CALN1: variants seen among roughly 807,000 people sequenced by gnomAD.
The protein encoded by CALN1 is calcium-binding protein 8.
A neutral mutation model predicts 30.6 loss-of-function variants in CALN1; 17 were observed. The observed-to-expected ratio is 0.56, with a 90% CI of 0.38 to 0.83. The LOEUF is 0.83. CALN1 is among the 40% of genes least tolerant of loss of function. CALN1 has a pLI of 0.00. For missense variants in CALN1, 291 were observed against 354.9 expected (o/e 0.82, Z 1.45); for synonymous variants, 156 against 131.4 (o/e 1.19, Z -1.28).
At chr7:71,808,132 G>A (rs1182965095) in intron 6 of CALN1, among the ~76,000 whole-genome samples, 1 of 151,770 alleles carries the variant, frequency 6.6e-6, no homozygotes, top group African/African-American at 2.4e-5. Context: ...TTAGGTAATG[G>A]TTAGGTACCT....
intron 1 of CALN1, among the ~76,000 whole-genome samples, chr7:72,422,767 C>T (rs981502993): frequency 5.9e-5 from 9 of 152,186 alleles, no homozygotes; most frequent in Non-Finnish European, 1.2e-4. Context: ...TTGGCTTTAT[C>T]TCTTACATGA....
chr7:72,198,772 C>G (rs547242605), intron 3 of CALN1, among the ~76,000 whole-genome samples: 13 of 152,288 alleles, frequency 8.5e-5, no homozygotes, highest in South Asian at 2.1e-4. Context: ...ATGATCAATA[C>G]TGAAAGGCAG....
At chr7:72,449,344 C>G (rs542755639), upstream of CALN1, among the ~76,000 whole-genome samples, 2 of 152,244 alleles carry the variant, frequency 1.3e-5, no homozygotes, top group African/African-American at 4.8e-5. Context: ...CCTCAGAGTC[C>G]GTGAGGGATG....
intron 2 of CALN1, among the ~76,000 whole-genome samples, chr7:72,332,251 G>A (rs1469956013): frequency 6.6e-6 from 1 of 152,148 alleles, no homozygotes; most frequent in African/African-American, 2.4e-5. Context: ...CACCCCAGAA[G>A]CAGTGCTGCA....
At chr7:72,311,173 T>C (rs780858290) in intron 2 of CALN1, among the ~76,000 whole-genome samples, 12 of 152,124 alleles carry the variant, frequency 7.9e-5, no homozygotes, top group Non-Finnish European at 1.6e-4. Context: ...ACCTCTATGA[T>C]GACCTACTTC....
chr7:71,852,183 T>C (rs563850786), intron 5 of CALN1, among the ~76,000 whole-genome samples: 78 of 152,332 alleles, frequency 5.1e-4, no homozygotes, highest in Middle Eastern at 3.4e-3. Flanking sequence ...TGTTCTCTGG[T>C]TGATTGACAT....
chr7:71,821,614 C>T (rs1326015422), intron 5 of CALN1, among the ~76,000 whole-genome samples: 2 of 152,126 alleles, frequency 1.3e-5, no homozygotes, highest in Non-Finnish European at 2.9e-5. Flanking sequence ...ACTATGGGAG[C>T]CACAATTCAA....
chr7:72,327,834 T>C (rs1464429727), intron 2 of CALN1, among the ~76,000 whole-genome samples: 2 of 152,194 alleles, frequency 1.3e-5, no homozygotes, highest in African/African-American at 4.8e-5. Context: ...TCTTCCTAGT[T>C]ATGTGTTCAA....
intron 5 of CALN1, among the ~76,000 whole-genome samples, chr7:71,890,365 A>G (rs1793169384): frequency 6.6e-6 from 1 of 152,172 alleles, no homozygotes. Flanking sequence ...TTACTTGTTT[A>G]TAAGGTGTGG....
intron 1 of CALN1, among the ~76,000 whole-genome samples, chr7:72,408,396 G>A (rs558639828): frequency 6.6e-6 from 1 of 151,900 alleles, no homozygotes; most frequent in Non-Finnish European, 1.5e-5. Flanking sequence ...AGTGAGCTGA[G>A]ATCACGCCAC....
chr7:72,196,515 C>T (rs1024511867), intron 3 of CALN1, among the ~76,000 whole-genome samples: 5 of 152,224 alleles, frequency 3.3e-5, no homozygotes, highest in Middle Eastern at 6.8e-3. Context: ...GAATTTCATA[C>T]ATTAAGTGGG....
At chr7:72,122,089 G>A (rs1012902119) in intron 3 of CALN1, among the ~76,000 whole-genome samples, 4 of 151,840 alleles carry the variant, frequency 2.6e-5, no homozygotes, top group Non-Finnish European at 5.9e-5. Context: ...AATGCCTGCC[G>A]AAGACAGAAA....
At chr7:72,335,730 C>T (rs943686148) in intron 2 of CALN1, among the ~76,000 whole-genome samples, 1 of 152,214 alleles carries the variant, frequency 6.6e-6, no homozygotes, top group African/African-American at 2.4e-5. Flanking sequence ...CAAGCCTCGT[C>T]CAAGAAAAAA....
intron 3 of CALN1, among the ~76,000 whole-genome samples, chr7:72,149,746 A>C (rs747499079): frequency 2.0e-5 from 3 of 151,860 alleles, no homozygotes; most frequent in Admixed American, 1.3e-4. Flanking sequence ...TTTTGCAAAA[A>C]CTCATTACCA....
chr7:71,904,661 T>C (rs61687549), intron 5 of CALN1, among the ~76,000 whole-genome samples: 13,039 of 152,188 alleles, frequency 0.086, 957 homozygotes, highest in East Asian at 0.42. Context: ...TCAGTGACGA[T>C]AGTATTCTAA....
chr7:71,902,420 T>A (rs568935887), intron 5 of CALN1, among the ~76,000 whole-genome samples: 7 of 152,050 alleles, frequency 4.6e-5, no homozygotes. Context: ...CAGTAAAAAA[T>A]AACAGGTATT....
intron 3 of CALN1, among the ~76,000 whole-genome samples, chr7:72,146,828 T>A (rs993751869): frequency 6.6e-6 from 1 of 152,134 alleles, no homozygotes; most frequent in African/African-American, 2.4e-5. Flanking sequence ...TCTACAACTA[T>A]CTGATCTTTG....
At chr7:72,331,195 C>G (rs1001778535) in intron 2 of CALN1, among the ~76,000 whole-genome samples, 6 of 151,942 alleles carry the variant, frequency 3.9e-5, no homozygotes, top group Non-Finnish European at 8.8e-5. Flanking sequence ...ACTAAAAATA[C>G]AAAAATTAGC....
intron 5 of CALN1, among the ~76,000 whole-genome samples, chr7:71,905,912 A>C (rs13232386): frequency 0.089 from 13,547 of 152,138 alleles, 1,017 homozygotes; most frequent in East Asian, 0.42. Context: ...ACAATTATGG[A>C]AGAAGGTGAA....
Sources: gnomAD v4.1 joint callset for allele counts (sites outside exome capture counted in the v4.1 genomes callset) on GRCh38, gnomAD v4.1.1 for gene constraint, MANE v1.5 for transcripts, NCBI Gene and HGNC (gene_info 2026-07-23, HGNC 2026-07-21) for gene names.